Variants in ZBTB16 observed in about 807,000 individuals in gnomAD.
ZBTB16 encodes zinc finger and BTB domain-containing protein 16.
A neutral mutation model predicts 56.8 loss-of-function variants in ZBTB16; 8 were observed. The observed-to-expected ratio is 0.14, with a 90% CI of 0.08 to 0.25. The LOEUF (loss-of-function observed/expected upper bound fraction) is 0.25, where lower values mean the gene tolerates loss of function less well. Ranked by LOEUF, ZBTB16 falls within the 10% of genes least tolerant of loss-of-function variation. ZBTB16 has a pLI of 1.00. For synonymous variants in ZBTB16, 363 were observed against 368.5 expected (o/e 0.98, Z 0.17); for missense variants, 625 against 903.0 (o/e 0.69, Z 3.95).
intron 2 of ZBTB16, among the ~76,000 whole-genome samples, chr11:114,080,328 G>A (rs1223214107): frequency 1.3e-5 from 2 of 152,014 alleles, no homozygotes; most frequent in African/African-American, 2.4e-5. Context: ...ACCAACACTC[G>A]CCCATCCACT....
intron 4 of ZBTB16, among the ~76,000 whole-genome samples, chr11:114,235,306 G>C (rs1170280786): frequency 6.6e-6 from 1 of 152,180 alleles, no homozygotes; most frequent in Non-Finnish European, 1.5e-5. Flanking sequence ...AAAAAAGCTG[G>C]AGTATATTTA....
chr11:114,204,051 G>T (rs1473085956), intron 4 of ZBTB16, among the ~76,000 whole-genome samples: 1 of 152,140 alleles, frequency 6.6e-6, no homozygotes, highest in East Asian at 1.9e-4. Context: ...TATTGACCCA[G>T]GCACCCCATT....
At chr11:114,196,041 C>G (rs1943600362) in intron 4 of ZBTB16, among the ~76,000 whole-genome samples, 1 of 152,216 alleles carries the variant, frequency 6.6e-6, no homozygotes, top group Middle Eastern at 3.2e-3. Context: ...TGAGCAATCT[C>G]AGGGAGCAGA....
At chr11:114,089,936 CCAGCCAGGCTCAGGG>C (rs1940123353) in intron 2 of ZBTB16, among the ~76,000 whole-genome samples, 1 of 152,176 alleles carries the variant, frequency 6.6e-6, no homozygotes, top group Non-Finnish European at 1.5e-5. Context: ...CCTGGGGCAG[CCAGCCAGGCTCAGGG>C]CAGGAAGCTG....
At chr11:114,183,941 G>A (rs1040379555) in intron 3 of ZBTB16, among the ~76,000 whole-genome samples, 8 of 152,344 alleles carry the variant, frequency 5.3e-5, no homozygotes, top group South Asian at 4.1e-4. Context: ...CTCTTAAGCC[G>A]TGTACCAGGT....
At chr11:114,141,849 C>T (rs73000996) in intron 2 of ZBTB16, among the ~76,000 whole-genome samples, 10,370 of 152,228 alleles carry the variant, frequency 0.068, 512 homozygotes, top group Non-Finnish European at 0.1. Flanking sequence ...TCCTGAGGAT[C>T]GAATGAGATA....
At chr11:114,213,194 C>T (rs1284210247) in intron 4 of ZBTB16, among the ~76,000 whole-genome samples, 2 of 152,166 alleles carry the variant, frequency 1.3e-5, no homozygotes, top group Admixed American at 6.5e-5. Flanking sequence ...CTTTTGGTGA[C>T]GTGAGGCCTT....
At chr11:114,139,811 G>T (rs1313229250) in intron 2 of ZBTB16, among the ~76,000 whole-genome samples, 2 of 152,202 alleles carry the variant, frequency 1.3e-5, no homozygotes, top group Non-Finnish European at 2.9e-5. Flanking sequence ...TTCACGCAAA[G>T]AATCTGTTTC....
At chr11:114,214,823 GGTTT>G (rs1005388109) in intron 4 of ZBTB16, among the ~76,000 whole-genome samples, 14 of 152,042 alleles carry the variant, frequency 9.2e-5, no homozygotes, top group African/African-American at 2.2e-4. Flanking sequence ...AGCCTGTGGT[GGTTT>G]GTTTGTTTGT....
intron 4 of ZBTB16, among the ~76,000 whole-genome samples, chr11:114,205,122 A>G (rs1423012113): frequency 1.3e-5 from 2 of 152,108 alleles, no homozygotes; most frequent in African/African-American, 4.8e-5. Context: ...TTGAAAAAAA[A>G]ATTTCGGCCG....
At position 114,227,457 on chromosome 11, in the gene ZBTB16, A is replaced by G. The variant is rs1591797587; in HGVS notation, c.1454-14710A>G. Among the ~76,000 whole-genome samples, 3 of 152,338 alleles carry G rather than the reference A, an allele frequency of 2.0e-5. No homozygotes were observed. The East Asian group carries it at 5.8e-4, about 29-fold the overall frequency. ...CCAGAGAAATCAAATTCATTTGTGC[A>G]ATCCTTTATCCATCTATTCGTCCTT... On this transcript the variant is annotated intron_variant, in intron 4 of 6. Coordinates refer to ENST00000335953, the MANE Select transcript of ZBTB16 (RefSeq NM_006006.6).
intron 4 of ZBTB16, among the ~76,000 whole-genome samples, chr11:114,215,389 G>C (rs191559525): frequency 6.6e-6 from 1 of 152,136 alleles, no homozygotes; most frequent in African/African-American, 2.4e-5. Context: ...ATTGAGATGG[G>C]TTACCTTCCC....
At chr11:114,106,674 A>T (rs1366160481) in intron 2 of ZBTB16, among the ~76,000 whole-genome samples, 1 of 151,968 alleles carries the variant, frequency 6.6e-6, no homozygotes, top group Non-Finnish European at 1.5e-5. Flanking sequence ...GGGATTCACC[A>T]TGTTGGCCAG....
intron 4 of ZBTB16, among the ~76,000 whole-genome samples, chr11:114,221,459 A>G (rs904021705): frequency 2.0e-5 from 3 of 152,206 alleles, no homozygotes; most frequent in Admixed American, 6.5e-5. Context: ...TTAAGTGCAT[A>G]TTAAGCAAAT....
At chr11:114,244,576 A>G (rs10128580) in intron 5 of ZBTB16, among the ~76,000 whole-genome samples, 29,581 of 151,976 alleles carry the variant, frequency 0.19, 3,646 homozygotes, top group African/African-American at 0.35. Context: ...CGCCAGGTGC[A>G]CACCGTGCTT....
intron 4 of ZBTB16, among the ~76,000 whole-genome samples, chr11:114,211,284 G>A (rs1943994051): frequency 6.6e-6 from 1 of 152,176 alleles, no homozygotes; most frequent in South Asian, 2.1e-4. Context: ...ACTTGGTGGT[G>A]TGGGGTGGAG....
At chr11:114,103,144 T>C (rs901572692) in intron 2 of ZBTB16, among the ~76,000 whole-genome samples, 3 of 152,264 alleles carry the variant, frequency 2.0e-5, no homozygotes, top group Admixed American at 1.3e-4. Context: ...GAGGTTCGAC[T>C]GTAAGGGCTG....
intron 2 of ZBTB16, among the ~76,000 whole-genome samples, chr11:114,091,254 A>G (rs1150237): frequency 0.91 from 138,770 of 152,222 alleles, 63,835 homozygotes; most frequent in Non-Finnish European, 0.98. Flanking sequence ...AGGCTGGGGC[A>G]CGAGAAGTGC....
intron 2 of ZBTB16, among the ~76,000 whole-genome samples, chr11:114,148,153 GTTTTAGCACTCGC>G (rs1942157292): frequency 1.3e-5 from 2 of 152,096 alleles, no homozygotes; most frequent in Non-Finnish European, 2.9e-5. Context: ...CTGACATTGT[GTTTTAGCACTCGC>G]AGGCAGCCTT....
Sources: gnomAD v4.1 joint callset for allele counts (sites outside exome capture counted in the v4.1 genomes callset) on GRCh38, gnomAD v4.1.1 for gene constraint, MANE v1.5 for transcripts, NCBI Gene and HGNC (gene_info 2026-07-23, HGNC 2026-07-21) for gene names.